PLCB1: variants seen among roughly 807,000 people sequenced by gnomAD.
PLCB1 encodes phospholipase C beta 1.
A neutral mutation model predicts 161.8 loss-of-function variants in PLCB1; 46 were observed. The observed-to-expected ratio is 0.28, with a 90% CI of 0.22 to 0.36. PLCB1 has a LOEUF of 0.36. Among genes scored for constraint, PLCB1 ranks in the 10% least tolerant of loss-of-function variants. The probability of loss-of-function intolerance (pLI) is 1.00; values close to 1 mark genes in which losing one functional copy is unlikely to be tolerated. For missense variants in PLCB1, 1,016 were observed against 1,472.5 expected (o/e 0.69, Z 5.07); for synonymous variants, 517 against 503.7 (o/e 1.03, Z -0.35).
At chr20:8,195,929 C>T (rs2052019174) in intron 2 of PLCB1, among the ~76,000 whole-genome samples, 1 of 152,090 alleles carries the variant, frequency 6.6e-6, no homozygotes, top group Admixed American at 6.6e-5. Flanking sequence ...TTAATTGGCT[C>T]ACAGTTCTGC....
intron 3 of PLCB1, among the ~76,000 whole-genome samples, chr20:8,425,970 T>C (rs1225245901): frequency 6.6e-6 from 1 of 152,196 alleles, no homozygotes; most frequent in Non-Finnish European, 1.5e-5. Context: ...CAGCAGGCAA[T>C]GGGGAAACCT....
At chr20:8,874,747 G>A (rs1028610935) in intron 31 of PLCB1, among the ~76,000 whole-genome samples, 3 of 151,894 alleles carry the variant, frequency 2.0e-5, no homozygotes, top group Non-Finnish European at 2.9e-5. Context: ...TTATTTTTTG[G>A]TTGCTTTGCC....
At chr20:8,405,617 T>G (rs1978753017) in intron 3 of PLCB1, among the ~76,000 whole-genome samples, 1 of 152,194 alleles carries the variant, frequency 6.6e-6, no homozygotes, top group Non-Finnish European at 1.5e-5. Context: ...AGAAGCTGGT[T>G]GTTTCCAGTG....
At position 8,741,706 on chromosome 20, in the gene PLCB1, G is replaced by A; in HGVS notation, c.2523+133G>A. 3 of 597,842 alleles carry A rather than the reference G, an allele frequency of 5.0e-6. No homozygotes were observed. In the South Asian group the frequency reaches 5.7e-5, roughly 11 times the overall value. The allele number at this position is 597,842 out of a possible 1,614,324, so 37.0% of individuals were successfully genotyped here. ...TGGAACAACACTTTCATGCAGTTTA[G>A]CATCATGTCACAGAACATCTAGATG... On this transcript the variant is annotated intron_variant, in intron 23 of 31. Coordinates refer to ENST00000338037, the MANE Select transcript of PLCB1 (RefSeq NM_015192.4).
At chr20:8,548,242 CTTCCT>C (rs1985633860) in intron 3 of PLCB1, among the ~76,000 whole-genome samples, 1 of 138,516 alleles carries the variant, frequency 7.2e-6, no homozygotes, top group Admixed American at 7.7e-5. Context: ...TCCCTCCCCT[CTTCCT>C]CTTTTTCACC....
chr20:8,674,146 A>G (rs1010317732), intron 9 of PLCB1, among the ~76,000 whole-genome samples: 4 of 152,190 alleles, frequency 2.6e-5, no homozygotes, highest in Admixed American at 6.5e-5. Context: ...GAAACTCACA[A>G]TCCCTGGATG....
intron 3 of PLCB1, among the ~76,000 whole-genome samples, chr20:8,511,377 G>A (rs566325724): frequency 3.3e-5 from 5 of 152,174 alleles, no homozygotes; most frequent in East Asian, 3.9e-4. Flanking sequence ...ATTAACTGAT[G>A]AATGGAGATA....
At chr20:8,851,775 C>A (rs908947715) in intron 31 of PLCB1, among the ~76,000 whole-genome samples, 2 of 150,530 alleles carry the variant, frequency 1.3e-5, no homozygotes, top group Non-Finnish European at 2.9e-5. Context: ...AGGAGACTCA[C>A]ACAAAAGTAA....
chr20:8,521,184 T>C (rs1238873222), intron 3 of PLCB1, among the ~76,000 whole-genome samples: 1 of 152,142 alleles, frequency 6.6e-6, no homozygotes, highest in Non-Finnish European at 1.5e-5. Context: ...TTGTATCAGT[T>C]ACTTGTTCTT....
chr20:8,276,132 C>A (rs1033745555), intron 2 of PLCB1, among the ~76,000 whole-genome samples: 1 of 151,938 alleles, frequency 6.6e-6, no homozygotes, highest in East Asian at 1.9e-4. Flanking sequence ...AAACTTAAAA[C>A]AAAAAAGATT....
Position 8,685,025 on chromosome 20 carries a change from C to G in PLCB1, c.956C>G (p.Ser319Cys). The part of the protein sequence containing the change: ...PEKLDLNEDM[S>C]QPLSHYFINS... ...AAACTGGATTTGAATGAAGACATGT[C>G]TCAGCCCCTTTCTCACTATTTCATT... The change falls in exon 10 of 32, where the codon TCT (serine) becomes TGT (cysteine). Residue 319 changes from serine to cysteine, a missense_variant. Physicochemically the swap from Ser to Cys is moderately radical, Grantham distance 112. Coordinates refer to ENST00000338037, the MANE Select transcript of PLCB1 (RefSeq NM_015192.4). 6.2e-7 allele frequency: 1 copy of G among 1,613,460 alleles called. No individual in the cohort carries two copies. The highest frequency in any genetic ancestry group is 8.5e-7 in the Non-Finnish European group (1 of 1,179,456).
chr20:8,184,100 A>G (rs548217366), intron 2 of PLCB1, among the ~76,000 whole-genome samples: 64 of 152,280 alleles, frequency 4.2e-4, no homozygotes, highest in African/African-American at 1.4e-3. Flanking sequence ...CTTCACCTAG[A>G]GACTTATGCT....
chr20:8,262,521 G>C (rs752895994), intron 2 of PLCB1, among the ~76,000 whole-genome samples: 1 of 152,168 alleles, frequency 6.6e-6, no homozygotes, highest in Non-Finnish European at 1.5e-5. Flanking sequence ...ACATAGTTTA[G>C]AGCATGCCGC....
chr20:8,755,640 G>A (rs890921753), intron 23 of PLCB1, among the ~76,000 whole-genome samples: 9 of 152,242 alleles, frequency 5.9e-5, no homozygotes, highest in African/African-American at 1.4e-4. Flanking sequence ...AAGATTTTAC[G>A]TTTCAATGCA....
chr20:8,838,942 G>T (rs573338781), intron 31 of PLCB1, among the ~76,000 whole-genome samples: 1 of 152,298 alleles, frequency 6.6e-6, no homozygotes, highest in South Asian at 2.1e-4. Flanking sequence ...GAAGCAGTTT[G>T]CTTTCAGCTG....
intron 25 of PLCB1, among the ~76,000 whole-genome samples, chr20:8,764,084 C>T (rs963768): frequency 0.9 from 137,591 of 152,064 alleles, 62,903 homozygotes; most frequent in East Asian, 1. Flanking sequence ...TGAGAATCAC[C>T]TGAACCCGCG....
chr20:8,408,537 G>T lies in PLCB1; in HGVS notation c.246+37087G>T, dbSNP rs1978889544. 3.3e-5 allele frequency among the ~76,000 whole-genome samples: 5 copies of T among 151,826 alleles called. No homozygotes were observed. In the South Asian group the frequency reaches 1.0e-3, roughly 32 times the overall value. On this transcript the variant is annotated intron_variant, in intron 3 of 31. Transcript: ENST00000338037. The stretch of plus-strand genomic sequence containing the variant: ...TTTTAAAAAAAAAAATCAGATTATG[G>T]CGACATAAATATTAGACATCCCTTA...
chr20:8,791,899 A>C (rs961460405), intron 31 of PLCB1, among the ~76,000 whole-genome samples: 4 of 152,216 alleles, frequency 2.6e-5, no homozygotes, highest in African/African-American at 9.6e-5. Flanking sequence ...ATTTATTAAC[A>C]GTCAGGGTGC....
intron 3 of PLCB1, among the ~76,000 whole-genome samples, chr20:8,583,848 A>G (rs1986906602): frequency 6.6e-6 from 1 of 152,182 alleles, no homozygotes; most frequent in Non-Finnish European, 1.5e-5. Context: ...GCAGCGGTTT[A>G]CAGCTGAATT....
Sources: allele counts gnomAD v4.1 joint callset (sites outside exome capture counted in the v4.1 genomes callset), GRCh38; gene constraint gnomAD v4.1.1; transcripts MANE v1.5; gene names NCBI Gene and HGNC (gene_info 2026-07-23, HGNC 2026-07-21).